Variants in VPS13B observed in about 807,000 individuals in gnomAD.
VPS13B encodes vacuolar protein sorting 13 homolog B.
In VPS13B, 285 loss-of-function variants were observed where a neutral mutation model predicts 426.4. The ratio of observed to expected loss-of-function variants is 0.67; its 90% CI spans 0.61 to 0.74. VPS13B has a LOEUF of 0.74. Ranked by LOEUF, VPS13B falls within the 30% of genes least tolerant of loss-of-function variation. The probability of loss-of-function intolerance (pLI) is 0.00; values close to 1 mark genes in which losing one functional copy is unlikely to be tolerated. For synonymous variants in VPS13B, 1,676 were observed against 1,676.4 expected (o/e 1.00, Z 0.01); for missense variants, 4,537 against 4,782.6 (o/e 0.95, Z 1.51).
intron 19 of VPS13B, among the ~76,000 whole-genome samples, chr8:99,294,709 G>A (rs1819937251): frequency 6.6e-6 from 1 of 152,116 alleles, no homozygotes; most frequent in Non-Finnish European, 1.5e-5. Flanking sequence ...AATCACTTGA[G>A]CTCAATTTGA....
At chr8:99,634,679 A>T in intron 33 of VPS13B, among the ~76,000 whole-genome samples, 1 of 152,000 alleles carries the variant, frequency 6.6e-6, no homozygotes, top group Non-Finnish European at 1.5e-5. Flanking sequence ...AGCTCTGGGT[A>T]TCTGTAGTAA....
chr8:99,664,706 C>G (rs1428351289), intron 35 of VPS13B, among the ~76,000 whole-genome samples: 3 of 152,148 alleles, frequency 2.0e-5, no homozygotes, highest in African/African-American at 7.2e-5. Flanking sequence ...TTTTCTTAAT[C>G]CAGTCTATCG....
At chr8:99,638,095 T>C (rs1829143025) in intron 33 of VPS13B, among the ~76,000 whole-genome samples, 3 of 152,136 alleles carry the variant, frequency 2.0e-5, no homozygotes. Context: ...TAAGGATAAC[T>C]AAAATGAAAC....
intron 31 of VPS13B, among the ~76,000 whole-genome samples, chr8:99,560,220 G>A (rs562439203): frequency 2.0e-5 from 3 of 152,106 alleles, no homozygotes; most frequent in Non-Finnish European, 4.4e-5. Flanking sequence ...TCTGTTATTG[G>A]TGAATAGGAA....
Position 99,262,769 on chromosome 8 carries a change from CTGTTGT to C in VPS13B, c.2516-11400_2516-11395del, listed in dbSNP as rs373225716. Among the ~76,000 whole-genome samples, 1,095 of 150,018 alleles carry C rather than the reference CTGTTGT, an allele frequency of 7.3e-3. 16 individuals carry two copies. Among genetic ancestry groups the C allele is most frequent in the African/African-American group, 0.023 (943 of 40,504 alleles). ...TGGCTGTTTGAATGTTTTGGATGGT[CTGTTGT>C]TGTTGTTGTTGTTGTTGTTGTTGTT... On this transcript the variant is annotated intron_variant, in intron 17 of 61. Transcript: ENST00000357162.
At chr8:99,517,797 A>G (rs1017933115) in intron 29 of VPS13B, among the ~76,000 whole-genome samples, 1 of 152,134 alleles carries the variant, frequency 6.6e-6, no homozygotes, top group African/African-American at 2.4e-5. Context: ...ACATTTCCTC[A>G]TATGGTCCAA....
chr8:99,586,730 AT>A (rs1382020958), intron 33 of VPS13B, among the ~76,000 whole-genome samples: 1 of 152,198 alleles, frequency 6.6e-6, no homozygotes, highest in African/African-American at 2.4e-5. Context: ...GATGGGAAGA[AT>A]CAATATTGTG....
At chr8:99,517,210 C>G (rs1029269047) in intron 29 of VPS13B, among the ~76,000 whole-genome samples, 4 of 152,122 alleles carry the variant, frequency 2.6e-5, no homozygotes, top group African/African-American at 7.2e-5. Context: ...GTTGAAGTCT[C>G]CAAAACACTT....
intron 25 of VPS13B, 39 bp from the exon 26 acceptor site, chr8:99,501,648 T>A: frequency 6.3e-7 from 1 of 1,596,402 alleles, no homozygotes. Flanking sequence ...TATTTTTGTT[T>A]ATGTTACAAA....
intron 30 of VPS13B, among the ~76,000 whole-genome samples, chr8:99,540,030 TATATATATATATATATATATATATATATA>T (rs1823485523): frequency 2.0e-3 from 3 of 1,466 alleles, no homozygotes; most frequent in Non-Finnish European, 4.0e-3. Context: ...TATATATATA[TATATATATATATATATATATATATATATA>T]TATATTTTTT....
At chr8:99,778,458 AAT>A (rs1811850589) in intron 41 of VPS13B, among the ~76,000 whole-genome samples, 1 of 152,056 alleles carries the variant, frequency 6.6e-6, no homozygotes, top group Non-Finnish European at 1.5e-5. Context: ...ACTTTTGGAC[AAT>A]ATATATTTAA....
intron 23 of VPS13B, among the ~76,000 whole-genome samples, chr8:99,452,439 C>G (rs1370497236): frequency 6.6e-6 from 1 of 152,160 alleles, no homozygotes; most frequent in Admixed American, 6.5e-5. Context: ...CCATACCTCT[C>G]TTGCTCGTTG....
intron 17 of VPS13B, among the ~76,000 whole-genome samples, chr8:99,196,438 C>T (rs1475079592): frequency 7.0e-6 from 1 of 142,654 alleles, no homozygotes; most frequent in South Asian, 2.2e-4. Flanking sequence ...CTTATCAGTT[C>T]TAAAAGTTTT....
chr8:99,603,565 A>G (rs1301276202), intron 33 of VPS13B, among the ~76,000 whole-genome samples: 4 of 152,206 alleles, frequency 2.6e-5, no homozygotes, highest in Admixed American at 6.5e-5. Flanking sequence ...CAAGATGGCT[A>G]CTCAGTGAAT....
At chr8:99,501,947 TTCTGTCTGTCTGTCTG>T in intron 26 of VPS13B, 89 bp downstream of exon 26, 2 of 1,289,110 alleles carry the variant, frequency 1.6e-6, no homozygotes, top group South Asian at 2.6e-5. Flanking sequence ...TTCCTTTCTT[TTCTGTCTGTCTGTCTG>T]TCTGTCTGTC....
At chr8:99,679,956 A>C (rs893791708) in intron 35 of VPS13B, among the ~76,000 whole-genome samples, 10 of 152,174 alleles carry the variant, frequency 6.6e-5, no homozygotes, top group African/African-American at 2.4e-4. Flanking sequence ...TGGGTTTGTT[A>C]GTTCTGTGTT....
At chr8:99,721,210 G>A (rs1007413965) in intron 39 of VPS13B, among the ~76,000 whole-genome samples, 163 bp downstream of exon 39, 1 of 151,922 alleles carries the variant, frequency 6.6e-6, no homozygotes, top group African/African-American at 2.4e-5. Context: ...ATATATAATG[G>A]GATTTTAAAA....
At chr8:99,643,110 G>GA (rs1251663706) in intron 34 of VPS13B, among the ~76,000 whole-genome samples, 2 of 152,110 alleles carry the variant, frequency 1.3e-5, no homozygotes, top group East Asian at 3.8e-4. Flanking sequence ...TTGAGACTAG[G>GA]AAAGTGAGCA....
intron 17 of VPS13B, among the ~76,000 whole-genome samples, chr8:99,217,388 A>C (rs764358346): frequency 5.9e-5 from 9 of 152,162 alleles, no homozygotes; most frequent in Non-Finnish European, 1.3e-4. Flanking sequence ...TAATTCCGCT[A>C]CCTGATAATG....
Sources: allele counts gnomAD v4.1 joint callset (sites outside exome capture counted in the v4.1 genomes callset), GRCh38; gene constraint gnomAD v4.1.1; transcripts MANE v1.5; gene names NCBI Gene and HGNC (gene_info 2026-07-23, HGNC 2026-07-21).